Variants in CDC5L observed in about 807,000 individuals in gnomAD.
The protein encoded by CDC5L is cell division cycle 5-like protein.
CDC5L carries 18 observed loss-of-function variants against 104.1 expected under a neutral mutation model. The ratio of observed to expected loss-of-function variants is 0.17; its 90% CI spans 0.12 to 0.26. The LOEUF (loss-of-function observed/expected upper bound fraction) is 0.26. Among genes scored for constraint, CDC5L ranks in the 10% least tolerant of loss-of-function variants. The probability of loss-of-function intolerance (pLI) is 1.00; values close to 1 mark genes in which losing one functional copy is unlikely to be tolerated. For synonymous variants in CDC5L, 331 were observed against 322.7 expected (o/e 1.03, Z -0.28); for missense variants, 673 against 956.9 (o/e 0.70, Z 3.91).
intron 9 of CDC5L, 55 bp downstream of exon 9, chr6:44,419,652 C>T (rs758887325): frequency 3.6e-6 from 5 of 1,380,296 alleles, no homozygotes; most frequent in African/African-American, 1.4e-5. Flanking sequence ...AAGGACTTAG[C>T]ATATTTGCTT....
rs559177743 is a variant in CDC5L at position 44,419,675 on chromosome 6, C to T, written c.1241+78C>T. ...AGCATATTTGCTTTAGTAATGTTTA[C>T]GGAGAATGACTACTTATTGTGTTGG... On this transcript the variant is annotated intron_variant, in intron 9 of 15. Transcript: ENST00000371477. 202 of 1,039,110 alleles carry T rather than the reference C, an allele frequency of 1.9e-4. 3 individuals carry two copies. In the South Asian group the frequency reaches 2.2e-3, roughly 12 times the overall value. 64.4% of individuals were successfully genotyped at this position (1,039,110 alleles called of 1,614,324 possible).
chr6:44,398,534 G>T (rs1215755618), intron 5 of CDC5L, among the ~76,000 whole-genome samples: 1 of 152,208 alleles, frequency 6.6e-6, no homozygotes, highest in Non-Finnish European at 1.5e-5. Context: ...TCTATGCAAA[G>T]TGCAGGGCAG....
chr6:44,429,894 T>C lies in CDC5L; in HGVS notation c.2075T>C (p.Leu692Pro). The change falls in exon 14 of 16, where the codon CTT becomes CCT. Residue 692 changes from leucine to proline, a missense_variant. This residue lies in a region of CDC5L where 578 missense variants were observed against 737.0 expected (regional missense o/e 0.78). Transcript: ENST00000371477. The stretch of plus-strand genomic sequence containing the variant: ...AGTAAAAAGGACAGAATTGAATCAC[T>C]TGAAAAGAGGCTCGAGGTTGGTATC... ...LASKKDRIESLEKRLEINRGH... is the reference protein window; with the variant it reads ...LASKKDRIESPEKRLEINRGH... The C allele has an allele frequency of 6.2e-7, 1 of 1,613,734 alleles. No individual in the cohort carries two copies. The highest frequency in any genetic ancestry group is 8.5e-7 in the Non-Finnish European group (1 of 1,179,698).
At chr6:44,446,564 TATA>T (rs1443717569) in intron 15 of CDC5L, 40 bp from the exon 16 acceptor site, 1 of 902,670 alleles carries the variant, frequency 1.1e-6, no homozygotes, top group Non-Finnish European at 1.7e-6. Flanking sequence ...TTTTTTTCAG[TATA>T]GTTACATCTA....
chr6:44,397,789 A>G (rs1790936942), intron 5 of CDC5L, among the ~76,000 whole-genome samples: 1 of 152,238 alleles, frequency 6.6e-6, no homozygotes, highest in Admixed American at 6.5e-5. Context: ...TAAAAAGTAA[A>G]CGAATATATA....
At chr6:44,422,889 G>T (rs1193199203) in intron 10 of CDC5L, 80 bp downstream of exon 10, 11 of 874,868 alleles carry the variant, frequency 1.3e-5, no homozygotes, top group Non-Finnish European at 1.4e-5. Context: ...TCTCCTGTTA[G>T]TGCATATCAC....
chr6:44,446,508 T>C (rs1465815183), intron 15 of CDC5L, 99 bp from the exon 16 acceptor site: 5 of 531,440 alleles, frequency 9.4e-6, no homozygotes, highest in Non-Finnish European at 1.6e-5. Context: ...CTCTTAAGAA[T>C]CATGATTTAA....
At chr6:44,446,440 A>G (rs1275333877) in intron 15 of CDC5L, among the ~76,000 whole-genome samples, 167 bp from the exon 16 acceptor site, 1 of 152,172 alleles carries the variant, frequency 6.6e-6, no homozygotes, top group East Asian at 1.9e-4. Context: ...AATGGCTGTG[A>G]TACTGGTTTT....
Position 44,422,787 on chromosome 6 carries a change from A to G in CDC5L, c.1382A>G (p.Asp461Gly). 6.2e-7 allele frequency: 1 copy of G among 1,612,058 alleles called. No homozygotes were observed. Among genetic ancestry groups the G allele is most frequent in the Non-Finnish European group, 8.5e-7 (1 of 1,179,004 alleles). The change falls in exon 10 of 16, where the codon GAT becomes GGT. Residue 461 changes from aspartate (D) to glycine (G), a missense_variant. Coordinates refer to ENST00000371477, the MANE Select transcript of CDC5L (RefSeq NM_001253.4). ...GAGGATGGAATGGCAGACTATAGTGATCCCTCTTACGTGAAGCAGATGGTA... is the reference window on the plus strand; with the variant it reads ...GAGGATGGAATGGCAGACTATAGTGGTCCCTCTTACGTGAAGCAGATGGTA... ...NPEDGMADYS[D>G]PSYVKQMERE...
At chr6:44,398,104 C>A (rs1581643676) in intron 5 of CDC5L, among the ~76,000 whole-genome samples, 1 of 152,036 alleles carries the variant, frequency 6.6e-6, no homozygotes, top group Admixed American at 6.6e-5. Flanking sequence ...TTTTTAATGT[C>A]TGAGGATGCA....
chr6:44,393,714 G>T lies in CDC5L; in HGVS notation c.439+141G>T, dbSNP rs540753053. 20 of 796,812 alleles carry T rather than the reference G, an allele frequency of 2.5e-5. No homozygotes were observed. In the African/African-American group the frequency reaches 3.6e-4, roughly 14 times the overall value. 49.4% of individuals were successfully genotyped at this position (796,812 alleles called of 1,614,324 possible). ...AGGTCTTGCTCTGTTACCCAGGCTG[G>T]AATGAAGTGGCACAATCATGGTTCA... On this transcript the variant is annotated intron_variant, in intron 4 of 15. Coordinates refer to ENST00000371477, the MANE Select transcript of CDC5L (RefSeq NM_001253.4).
chr6:44,414,978 T>C (rs1791844394), intron 8 of CDC5L, among the ~76,000 whole-genome samples: 1 of 152,206 alleles, frequency 6.6e-6, no homozygotes, highest in African/African-American at 2.4e-5. Context: ...TGGATCTACC[T>C]TCATTCTTGG....
intron 14 of CDC5L, among the ~76,000 whole-genome samples, chr6:44,431,287 A>G (rs954979585): frequency 3.9e-5 from 6 of 152,172 alleles, no homozygotes; most frequent in African/African-American, 1.2e-4. Flanking sequence ...GCTGCTAATT[A>G]TTTGTATTAC....
chr6:44,426,417 A>G (rs1394989901), intron 12 of CDC5L, 65 bp from the exon 13 acceptor site: 9 of 970,344 alleles, frequency 9.3e-6, no homozygotes, highest in Non-Finnish European at 1.4e-5. Flanking sequence ...TCATGCTGTA[A>G]CAGGTAATAA....
rs756182051 is a variant in CDC5L, at chr6:44,403,995, A to G, written c.726A>G (p.Leu242=). 43 of 1,612,084 alleles carry G rather than the reference A, an allele frequency of 2.7e-5. No individual in the cohort carries two copies. The highest frequency in any genetic ancestry group is 3.4e-5 in the Non-Finnish European group (40 of 1,179,626). The change falls in exon 6 of 16, where the codon TTA becomes TTG. Residue 242 remains leucine (L), a synonymous_variant. Coordinates refer to ENST00000371477, the MANE Select transcript of CDC5L (RefSeq NM_001253.4). ...CTCTTGACGCAGATTTCAGGAAATTAAGACAACAGGATCTTGATGGGGAGC... is the reference window on the plus strand; with the variant it reads ...CTCTTGACGCAGATTTCAGGAAATTGAGACAACAGGATCTTGATGGGGAGC... The part of the protein sequence containing the change: ...YQALDADFRK[L]RQQDLDGELR...
chr6:44,419,081 T>C (rs1190888425), intron 8 of CDC5L, among the ~76,000 whole-genome samples: 2 of 152,164 alleles, frequency 1.3e-5, no homozygotes, highest in Admixed American at 1.3e-4. Context: ...CCCATGCCTA[T>C]GTCCTGAATG....
At position 44,446,634 on chromosome 6, in the gene CDC5L, C is replaced by G. The variant is rs756396867; in HGVS notation, c.2332C>G (p.Gln778Glu). ...ECLKEDVQRQ[Q>E]EREKELQHRY... ...TCTAAAAGAAGACGTTCAGCGACAA[C>G]AAGAAAGAGAAAAGGAACTTCAACA... The change falls in exon 16 of 16, where the codon CAA becomes GAA. Residue 778 changes from glutamine to glutamate, a missense_variant. Transcript: ENST00000371477. 3 of 1,586,590 alleles carry G rather than the reference C, an allele frequency of 1.9e-6. No individual in the cohort carries two copies. Among genetic ancestry groups the G allele is most frequent in the Admixed American group, 3.6e-5 (2 of 55,608 alleles).
At chr6:44,444,250 C>A (rs929516384) in intron 14 of CDC5L, among the ~76,000 whole-genome samples, 3 of 152,218 alleles carry the variant, frequency 2.0e-5, no homozygotes, top group African/African-American at 7.2e-5. Flanking sequence ...TGTGGCTGCA[C>A]TCTACGATCC....
intron 14 of CDC5L, among the ~76,000 whole-genome samples, chr6:44,434,214 G>A (rs920206803): frequency 7.9e-5 from 12 of 152,252 alleles, no homozygotes; most frequent in African/African-American, 2.9e-4. Flanking sequence ...TGCAGTTTAC[G>A]TATTTCACTT....
Sources: allele counts gnomAD v4.1 joint callset (sites outside exome capture counted in the v4.1 genomes callset), GRCh38; gene constraint gnomAD v4.1.1; regional missense constraint gnomAD v4.1.1; transcripts MANE v1.5; gene names NCBI Gene and HGNC (gene_info 2026-07-23, HGNC 2026-07-21).